Variants in SEMA6D observed in about 807,000 individuals in gnomAD.
SEMA6D encodes semaphorin-6D.
In SEMA6D, 35 loss-of-function variants were observed where a neutral mutation model predicts 106.6. That is an observed-to-expected ratio of 0.33 (90% CI 0.25 to 0.44). The LOEUF (loss-of-function observed/expected upper bound fraction) is 0.44, where lower values mean the gene tolerates loss of function less well. Among genes scored for constraint, SEMA6D ranks in the 20% least tolerant of loss-of-function variants. The pLI, the probability that SEMA6D is intolerant of heterozygous loss-of-function variation, is 1.00. For missense variants in SEMA6D, 1,185 were observed against 1,345.9 expected, an observed-to-expected ratio of 0.88 and a Z score of 1.87; for synonymous variants, 499 against 487.7, an observed-to-expected ratio of 1.02 and a Z score of -0.31.
chr15:47,264,679 T>C (rs768769095), intron 1 of SEMA6D, among the ~76,000 whole-genome samples: 4 of 152,108 alleles, frequency 2.6e-5, no homozygotes, highest in Admixed American at 1.3e-4. Flanking sequence ...TTGGTTTCTT[T>C]CTTTTTTTAG....
chr15:47,431,665 G>T (rs2041527851), intron 2 of SEMA6D, among the ~76,000 whole-genome samples: 1 of 152,078 alleles, frequency 6.6e-6, no homozygotes, highest in African/African-American at 2.4e-5. Flanking sequence ...ATGTGCATAT[G>T]AGTGAATCAG....
intron 3 of SEMA6D, among the ~76,000 whole-genome samples, chr15:47,564,948 T>G (rs2046187412): frequency 6.6e-6 from 1 of 152,138 alleles, no homozygotes; most frequent in South Asian, 2.1e-4. Flanking sequence ...AATGCCAGAC[T>G]TCAGGAGAAG....
At chr15:47,335,550 G>A (rs2037518941) in intron 1 of SEMA6D, among the ~76,000 whole-genome samples, 1 of 151,952 alleles carries the variant, frequency 6.6e-6, no homozygotes, top group African/African-American at 2.4e-5. Flanking sequence ...TAGGATATTT[G>A]CCCCCTGAAT....
At chr15:47,580,707 T>A (rs2076241101) in intron 3 of SEMA6D, among the ~76,000 whole-genome samples, 1 of 152,182 alleles carries the variant, frequency 6.6e-6, no homozygotes, top group East Asian at 1.9e-4. Context: ...AATATGGCAA[T>A]GAGTAAAACA....
chr15:47,719,870 A>G, intron 1 of SEMA6D, among the ~76,000 whole-genome samples: 1 of 152,236 alleles, frequency 6.6e-6, no homozygotes. Flanking sequence ...GTAGTGAGTG[A>G]CAGGCATATT....
chr15:47,336,512 G>T (rs1251078324), intron 1 of SEMA6D, among the ~76,000 whole-genome samples: 1 of 152,154 alleles, frequency 6.6e-6, no homozygotes, highest in East Asian at 1.9e-4. Context: ...TTCACTAGAG[G>T]TGCATTTACT....
At chr15:47,626,513 C>T (rs2077204548) in intron 4 of SEMA6D, among the ~76,000 whole-genome samples, 1 of 152,058 alleles carries the variant, frequency 6.6e-6, no homozygotes, top group African/African-American at 2.4e-5. Context: ...TGAGGACATT[C>T]CATGAAGCCC....
intron 1 of SEMA6D, among the ~76,000 whole-genome samples, chr15:47,235,004 C>T (rs1055054984): frequency 2.6e-5 from 4 of 152,050 alleles, no homozygotes; most frequent in Middle Eastern, 3.2e-3. Flanking sequence ...ATCCACCCAA[C>T]ATCTACTGTT....
At chr15:47,730,166 T>C in intron 1 of SEMA6D, 1 of 1,511,728 alleles carries the variant, frequency 6.6e-7, no homozygotes, top group Admixed American at 1.7e-5. Context: ...GGCAAGTTCT[T>C]TAGCCTTTGC....
chr15:47,616,580 G>A (rs201305420), intron 4 of SEMA6D, among the ~76,000 whole-genome samples: 15 of 142,506 alleles, frequency 1.1e-4, no homozygotes, highest in South Asian at 2.3e-4. Context: ...CTCCAAAGAG[G>A]AAAAAAAAAA....
At chr15:47,622,962 G>C (rs751965527) in intron 4 of SEMA6D, among the ~76,000 whole-genome samples, 4 of 151,638 alleles carry the variant, frequency 2.6e-5, no homozygotes, top group Non-Finnish European at 4.4e-5. Context: ...AGAGTGCATG[G>C]AATCAGTAGG....
At chr15:47,317,445 C>G (rs536193639) in intron 1 of SEMA6D, among the ~76,000 whole-genome samples, 1 of 152,172 alleles carries the variant, frequency 6.6e-6, no homozygotes, top group South Asian at 2.1e-4. Context: ...TTCACTTATC[C>G]TTCTCTAGTG....
chr15:47,549,672 A>T (rs1011291715), intron 3 of SEMA6D, among the ~76,000 whole-genome samples: 9 of 152,174 alleles, frequency 5.9e-5, no homozygotes, highest in African/African-American at 2.2e-4. Context: ...GCTACCAAAT[A>T]TCATAAACAT....
intron 1 of SEMA6D, chr15:47,396,861 A>G (rs1349614631): frequency 6.6e-6 from 1 of 152,176 alleles, no homozygotes; most frequent in Non-Finnish European, 1.5e-5. Context: ...TTTAAAAAGC[A>G]GGGGGGAATG....
intron 2 of SEMA6D, among the ~76,000 whole-genome samples, chr15:47,432,535 CAT>C (rs1267365202): frequency 3.6e-4 from 33 of 92,472 alleles, no homozygotes; most frequent in African/African-American, 5.8e-4. Flanking sequence ...TATACATACA[CAT>C]ATGTGTTATG....
At chr15:47,657,899 C>T (rs1170708013) in intron 4 of SEMA6D, among the ~76,000 whole-genome samples, 1 of 151,346 alleles carries the variant, frequency 6.6e-6, no homozygotes, top group African/African-American at 2.4e-5. Context: ...CCCCACCACG[C>T]CCGGCTAATT....
intron 3 of SEMA6D, among the ~76,000 whole-genome samples, chr15:47,531,683 C>T (rs2044974482): frequency 6.6e-6 from 1 of 152,126 alleles, no homozygotes; most frequent in African/African-American, 2.4e-5. Context: ...CAGACTCATC[C>T]CCTCCAAGGG....
At chr15:47,291,535 C>G (rs752785188) in intron 1 of SEMA6D, among the ~76,000 whole-genome samples, 1 of 152,142 alleles carries the variant, frequency 6.6e-6, no homozygotes. Context: ...CCTTCCTAAC[C>G]AGCTGCCTTG....
At chr15:47,554,895 G>A (rs1167143600) in intron 3 of SEMA6D, among the ~76,000 whole-genome samples, 1 of 152,110 alleles carries the variant, frequency 6.6e-6, no homozygotes, top group Non-Finnish European at 1.5e-5. Flanking sequence ...GCTCAGCAGG[G>A]CTCAATCCAG....
Sources: allele counts gnomAD v4.1 joint callset (sites outside exome capture counted in the v4.1 genomes callset), GRCh38; gene constraint gnomAD v4.1.1; transcripts MANE v1.5; gene names NCBI Gene and HGNC (gene_info 2026-07-23, HGNC 2026-07-21).